ZMYM6: variants seen among roughly 807,000 people sequenced by gnomAD.
ZMYM6 encodes zinc finger MYM-type containing 6.
Under a neutral mutation model 134.0 loss-of-function variants are expected in ZMYM6, and 90 were observed. The observed-to-expected ratio is 0.67, with a 90% CI of 0.57 to 0.80. ZMYM6 has a LOEUF of 0.80. ZMYM6 is among the 30% of genes least tolerant of loss of function. The probability of loss-of-function intolerance (pLI) is 0.00; values close to 1 mark genes in which losing one functional copy is unlikely to be tolerated. For synonymous variants in ZMYM6, 481 were observed against 524.1 expected (o/e 0.92, Z 1.12); for missense variants, 1,362 against 1,533.9 (o/e 0.89, Z 1.87).
chr1:35,018,950 T>C (rs915722125), intron 4 of ZMYM6: 4 of 228,102 alleles, frequency 1.8e-5, no homozygotes, highest in Non-Finnish European at 2.5e-5. Context: ...TTTGCGACCA[T>C]GTAGAGTTTT....
chr1:34,998,213 G>A (rs1640819199), intron 14 of ZMYM6, among the ~76,000 whole-genome samples: 1 of 152,166 alleles, frequency 6.6e-6, no homozygotes. Flanking sequence ...AGGAGGCGGA[G>A]GTTGAAATGA....
chr1:35,026,284 C>T (rs1300301552), intron 2 of ZMYM6, among the ~76,000 whole-genome samples: 2 of 152,046 alleles, frequency 1.3e-5, no homozygotes, highest in Admixed American at 1.3e-4. Context: ...GCCTCCCAAA[C>T]TGCTGGGGTT....
intron 1 of ZMYM6, 72 bp from the exon 2 acceptor site, chr1:35,030,785 T>A: frequency 1.3e-6 from 1 of 744,136 alleles, no homozygotes; most frequent in Non-Finnish European, 2.1e-6. Flanking sequence ...TTGTGTTGAG[T>A]GCATGAGGCT....
At chr1:35,012,787 C>T (rs1374942100) in intron 6 of ZMYM6, 1 of 985,200 alleles carries the variant, frequency 1.0e-6, no homozygotes, top group Middle Eastern at 5.2e-4. Context: ...AGTAACTATT[C>T]AGATAGAGAT....
chr1:35,007,030 A>C lies in ZMYM6; in HGVS notation c.1734T>G (p.Ile578Met). 2 of 1,613,664 alleles carry C rather than the reference A, an allele frequency of 1.2e-6. No individual in the cohort carries two copies. The highest frequency in any genetic ancestry group is 1.1e-5 in the South Asian group (1 of 90,964). ...LSESIKWRGN[I>M]KHFCNLFCVL... The stretch of plus-strand genomic sequence containing the variant: ...CACAAAATAGGTTACAGAAATGTTT[A>C]ATGTTGCCTCGCCACTTTATGGACT... The change falls in exon 12 of 16, where the codon ATT becomes ATG. Residue 578 changes from isoleucine to methionine, a missense_variant. Coordinates refer to ENST00000357182, the MANE Select transcript of ZMYM6 (RefSeq NM_007167.4).
chr1:34,987,666 T>C lies in ZMYM6; in HGVS notation c.3416A>G (p.Asn1139Ser). 6.4e-7 allele frequency: 1 copy of C among 1,555,862 alleles called. No homozygotes were observed. The change falls in exon 16 of 16, where the codon AAT becomes AGT. Residue 1139 changes from asparagine (N) to serine (S), a missense_variant. Transcript: ENST00000357182. The part of the protein sequence containing the change: ...SLQGTLTTFF[N>S]LCNKIDVFKR... ...AAATACATCAATTTTATTACACAAA[T>C]TGAAGAAAGTAGTCAAAGTTCCTTG...
At chr1:35,024,188 C>T (rs1641363371) in intron 2 of ZMYM6, among the ~76,000 whole-genome samples, 1 of 152,172 alleles carries the variant, frequency 6.6e-6, no homozygotes, top group Non-Finnish European at 1.5e-5. Flanking sequence ...TGCTATCTTA[C>T]AGGAAAAGGA....
At chr1:35,012,820 T>A in intron 6 of ZMYM6, 2 of 985,272 alleles carry the variant, frequency 2.0e-6, no homozygotes, top group Non-Finnish European at 1.2e-6. Context: ...AACACATGAA[T>A]TCAAACACAA....
intron 6 of ZMYM6, chr1:35,013,537 C>T (rs1261940344): frequency 1.0e-6 from 1 of 985,266 alleles, no homozygotes; most frequent in Non-Finnish European, 1.2e-6. Flanking sequence ...TAGAACCAGA[C>T]TGCCAAAAAT....
In ZMYM6 at chr1:35,006,984, G is replaced by C. The variant is rs184937835; in HGVS notation, c.1780C>G (p.Gln594Glu). 1.9e-6 allele frequency: 3 copies of C among 1,609,456 alleles called. No individual in the cohort carries two copies. The highest frequency in any genetic ancestry group is 2.7e-5 in the African/African-American group (2 of 74,798). ...TGTGGAAGACAGTCATTCATAATTT[G>C]CTGATGACAAAACTCCAAGACACAA... The part of the protein sequence containing the change: ...LFCVLEFCHQ[Q>E]IMNDCLPQNK... The change falls in exon 12 of 16, where the codon CAA becomes GAA. Residue 594 changes from glutamine (Q) to glutamate (E), a missense_variant. Gln to Glu is a conservative substitution (Grantham distance 29). Transcript: ENST00000357182.
intron 15 of ZMYM6, chr1:34,989,170 A>C: frequency 7.8e-7 from 1 of 1,277,600 alleles, no homozygotes; most frequent in Non-Finnish European, 9.9e-7. Flanking sequence ...GATGTGGTAC[A>C]TGTACAAGTA....
In ZMYM6 at chr1:35,005,142, A is replaced by G. The variant is rs1336419187; in HGVS notation, c.1944T>C (p.Ser648=). 1 of 1,614,014 alleles carries G rather than the reference A, an allele frequency of 6.2e-7. No individual in the cohort carries two copies. The highest frequency in any genetic ancestry group is 8.5e-7 in the Non-Finnish European group (1 of 1,179,930). The part of the protein sequence containing the change: ...PATLSTGNTN[S]VLKGAVTKEA... Reference sequence around the variant, plus strand: ...TATATCAAGTCATACCTTTTAAAACACTGTTAGTGTTCCCTGTAGATAAGG... The same window carrying G: ...TATATCAAGTCATACCTTTTAAAACGCTGTTAGTGTTCCCTGTAGATAAGG... Residue 648 remains serine (S), a synonymous_variant, in exon 13 of 16, where the codon AGT becomes AGC. Transcript: ENST00000357182.
rs1557552477 is a variant in ZMYM6 at position 34,987,578 on chromosome 1, T to TGAAGG, written c.3499_3503dup (p.Phe1169LeufsTer12). The TGAAGG allele has an allele frequency of 6.2e-7, 1 of 1,613,796 alleles. No individual in the cohort carries two copies. The highest frequency in any genetic ancestry group is 1.7e-5 in the Admixed American group (1 of 59,990). ...CTGATGAATTTGAGAATTCAGAAAA[T>TGAAGG]GAAGGGAACATGTCATAATCATTCT... is the stretch of plus-strand genomic sequence containing the variant. On this transcript the variant is annotated frameshift_variant, in exon 16 of 16. Coordinates refer to ENST00000357182, the MANE Select transcript of ZMYM6 (RefSeq NM_007167.4). LOFTEE classifies it high-confidence loss of function.
Position 35,015,743 on chromosome 1 carries a change from A to AAAAAAAAAAAAAT in ZMYM6, c.429-582_429-581insATTTTTTTTTTTT. ...CATCTCAAAAAAAAAAAAAAAAAAAAATATATATATATATATATGTGGCCA... is the reference window on the plus strand; with the variant it reads ...CATCTCAAAAAAAAAAAAAAAAAAAAAAAAAAAAAAAATATATATATATATATATATGTGGCCA... On this transcript the variant is annotated intron_variant, in intron 4 of 15. Coordinates refer to ENST00000357182, the MANE Select transcript of ZMYM6 (RefSeq NM_007167.4). Among the ~76,000 whole-genome samples, 14 of 106,464 alleles carry AAAAAAAAAAAAAT rather than the reference A, an allele frequency of 1.3e-4. 1 individual carries two copies. Among genetic ancestry groups the AAAAAAAAAAAAAT allele is most frequent in the African/African-American group, 9.2e-4 (14 of 15,168 alleles). 69.8% of individuals were successfully genotyped at this position (106,464 alleles called of 152,430 possible).
intron 14 of ZMYM6, among the ~76,000 whole-genome samples, chr1:34,995,620 T>C (rs2148445009): frequency 6.6e-6 from 1 of 152,252 alleles, no homozygotes; most frequent in South Asian, 2.1e-4. Flanking sequence ...TAGTGATGGG[T>C]AGTACACACA....
At position 34,987,482 on chromosome 1, in the gene ZMYM6, G is replaced by A. The variant is rs1640596346; in HGVS notation, c.3600C>T (p.Asp1200=). Residue 1200 remains aspartate, a synonymous_variant, in exon 16 of 16, where the codon GAC becomes GAT. Transcript: ENST00000357182. ...HLEGLSQVFS[D]CFPPEQDLRS... ...GCAAGTCTTGTTCTGGTGGAAAACA[G>A]TCACTGAACACTTGAGAAAGTCCTT... The A allele has an allele frequency of 2.5e-6, 4 of 1,613,234 alleles. No individual in the cohort carries two copies. The highest frequency in any genetic ancestry group is 1.3e-5 in the African/African-American group (1 of 74,902).
chr1:35,022,302 G>A (rs1414849457), intron 2 of ZMYM6, among the ~76,000 whole-genome samples: 6 of 151,822 alleles, frequency 4.0e-5, no homozygotes, highest in South Asian at 2.1e-4. Context: ...ACGGAGTCTC[G>A]CTCTGTAGCC....
intron 2 of ZMYM6, among the ~76,000 whole-genome samples, chr1:35,028,047 C>T (rs753091823): frequency 5.9e-5 from 9 of 151,908 alleles, no homozygotes; most frequent in Non-Finnish European, 1.0e-4. Context: ...GGCATGGTGG[C>T]TTACAACCAT....
intron 4 of ZMYM6, among the ~76,000 whole-genome samples, chr1:35,015,743 A>AAAAAAAAAAAAAAAATATATATAT: frequency 3.8e-5 from 4 of 106,468 alleles, no homozygotes; most frequent in African/African-American, 2.6e-4. Context: ...AAAAAAAAAA[A>AAAAAAAAAAAAAAAATATATATAT]ATATATATAT....
Sources: gnomAD v4.1 joint callset for allele counts (sites outside exome capture counted in the v4.1 genomes callset) on GRCh38, gnomAD v4.1.1 for gene constraint, MANE v1.5 for transcripts, NCBI Gene and HGNC (gene_info 2026-07-23, HGNC 2026-07-21) for gene names.